BPTF: variants seen among roughly 807,000 people sequenced by gnomAD.
BPTF encodes the protein bromodomain PHD finger transcription factor, also known as nucleosome-remodeling factor subunit BPTF.
BPTF carries 18 observed loss-of-function variants against 292.5 expected under a neutral mutation model. The ratio of observed to expected loss-of-function variants is 0.06; its 90% CI spans 0.04 to 0.09. BPTF has a LOEUF of 0.09. Ranked by LOEUF, BPTF falls within the 10% of genes least tolerant of loss-of-function variation. BPTF has a pLI of 1.00. For synonymous variants in BPTF, 1,225 were observed against 1,251.9 expected, an observed-to-expected ratio of 0.98 and a Z score of 0.45; for missense variants, 2,726 against 3,498.7, an observed-to-expected ratio of 0.78 and a Z score of 5.57.
At chr17:67,853,397 G>A (rs180972934) in intron 1 of BPTF, among the ~76,000 whole-genome samples, 4 of 152,054 alleles carry the variant, frequency 2.6e-5, no homozygotes, top group East Asian at 1.9e-4. Context: ...CCCATGCTTC[G>A]CTGTGGAACT....
intron 1 of BPTF, among the ~76,000 whole-genome samples, chr17:67,843,253 T>C (rs1415466774): frequency 6.6e-6 from 1 of 150,420 alleles, no homozygotes; most frequent in Non-Finnish European, 1.5e-5. Flanking sequence ...TGTAAATATA[T>C]ATCTACATAT....
chr17:67,924,174 C>T (rs191737251), intron 14 of BPTF, among the ~76,000 whole-genome samples: 30 of 152,206 alleles, frequency 2.0e-4, no homozygotes, highest in South Asian at 6.2e-4. Flanking sequence ...AGAGATGGGT[C>T]GAACTCCTGA....
intron 1 of BPTF, among the ~76,000 whole-genome samples, chr17:67,844,408 T>C (rs112222385): frequency 0.2 from 30,819 of 151,290 alleles, 3,943 homozygotes; most frequent in East Asian, 0.66. Flanking sequence ...CCACCACGCC[T>C]GGCTAATTTT....
intron 10 of BPTF, among the ~76,000 whole-genome samples, chr17:67,910,347 C>T (rs543387596): frequency 3.3e-5 from 5 of 152,040 alleles, no homozygotes; most frequent in South Asian, 4.1e-4. Context: ...TGTGGCCATG[C>T]GTTTTCACTT....
chr17:67,973,503 T>TTTTTTG (rs1225873251), intron 26 of BPTF, among the ~76,000 whole-genome samples: 3 of 151,876 alleles, frequency 2.0e-5, no homozygotes, highest in African/African-American at 7.3e-5. Context: ...CCCAAACCCT[T>TTTTTTG]TTTTTGTTTT....
chr17:67,828,862 A>T (rs892044755), intron 1 of BPTF, among the ~76,000 whole-genome samples: 2 of 152,322 alleles, frequency 1.3e-5, no homozygotes, highest in East Asian at 3.9e-4. Flanking sequence ...ACTTGTGTCT[A>T]CTTGTCTTAT....
At chr17:67,978,935 G>T (rs1288387358) in intron 27 of BPTF, among the ~76,000 whole-genome samples, 1 of 152,042 alleles carries the variant, frequency 6.6e-6, no homozygotes, top group South Asian at 2.1e-4. Context: ...CCAACACATT[G>T]AGAGGCTGAG....
chr17:67,964,843 CA>C (rs1197308555), intron 25 of BPTF, among the ~76,000 whole-genome samples: 3 of 150,530 alleles, frequency 2.0e-5, no homozygotes, highest in East Asian at 4.0e-4. Context: ...ACTAAAAATA[CA>C]AAAAATTAGC....
At chr17:67,849,927 C>G (rs944763602) in intron 1 of BPTF, among the ~76,000 whole-genome samples, 5 of 151,712 alleles carry the variant, frequency 3.3e-5, no homozygotes, top group Non-Finnish European at 4.4e-5. Context: ...GGCAACAGAG[C>G]AAGACTCCAT....
At chr17:67,902,143 G>A (rs905689324) in intron 7 of BPTF, among the ~76,000 whole-genome samples, 2 of 152,212 alleles carry the variant, frequency 1.3e-5, no homozygotes, top group African/African-American at 4.8e-5. Context: ...ACAAAGAGAA[G>A]CCTTTGTATT....
chr17:67,895,964 CTTTTT>C (rs796964349), intron 7 of BPTF, among the ~76,000 whole-genome samples: 3 of 135,362 alleles, frequency 2.2e-5, no homozygotes, highest in African/African-American at 8.0e-5. Flanking sequence ...CTCAATCAGG[CTTTTT>C]TTTTTTTTTT....
At chr17:67,885,351 A>C (rs2060681675) in intron 4 of BPTF, among the ~76,000 whole-genome samples, 1 of 152,212 alleles carries the variant, frequency 6.6e-6, no homozygotes, top group Non-Finnish European at 1.5e-5. Flanking sequence ...TGGGAGGCCA[A>C]GGTGGGTGGA....
intron 23 of BPTF, among the ~76,000 whole-genome samples, chr17:67,952,755 G>T (rs2066499797): frequency 6.6e-6 from 1 of 152,096 alleles, no homozygotes; most frequent in African/African-American, 2.4e-5. Context: ...CTCGTGATCT[G>T]TGGGCTTGGC....
chr17:67,845,752 G>C (rs1034850238), intron 1 of BPTF, among the ~76,000 whole-genome samples: 1 of 151,776 alleles, frequency 6.6e-6, no homozygotes, highest in Non-Finnish European at 1.5e-5. Flanking sequence ...TAGCCTGAGC[G>C]ACAGCAAGAT....
chr17:67,849,465 TTCC>T (rs2058250900), intron 1 of BPTF, among the ~76,000 whole-genome samples: 1 of 152,222 alleles, frequency 6.6e-6, no homozygotes. Context: ...TTGTTTGTTT[TTCC>T]AGTATTTTCA....
chr17:67,839,883 G>T (rs2057415805), intron 1 of BPTF, among the ~76,000 whole-genome samples: 1 of 151,978 alleles, frequency 6.6e-6, no homozygotes, highest in African/African-American at 2.4e-5. Flanking sequence ...GTACCATTTT[G>T]CATTCTTACC....
chr17:67,950,612 C>T (rs1293930520), intron 23 of BPTF, among the ~76,000 whole-genome samples: 2 of 151,718 alleles, frequency 1.3e-5, no homozygotes, highest in Non-Finnish European at 2.9e-5. Context: ...CTGAGGCGAG[C>T]GGATCATTTG....
chr17:67,862,697 G>A (rs2059155983), intron 2 of BPTF, among the ~76,000 whole-genome samples: 1 of 152,084 alleles, frequency 6.6e-6, no homozygotes, highest in Non-Finnish European at 1.5e-5. Flanking sequence ...CTATAAAACT[G>A]GGTAGTTTAA....
At chr17:67,953,130 T>C (rs2066545388) in intron 23 of BPTF, among the ~76,000 whole-genome samples, 1 of 151,770 alleles carries the variant, frequency 6.6e-6, no homozygotes, top group Non-Finnish European at 1.5e-5. Context: ...CCTGGCTAGT[T>C]TTTTGTATTT....
Sources: gnomAD v4.1 joint callset for allele counts (sites outside exome capture counted in the v4.1 genomes callset) on GRCh38, gnomAD v4.1.1 for gene constraint, MANE v1.5 for transcripts, NCBI Gene and HGNC (gene_info 2026-07-23, HGNC 2026-07-21) for gene names.